Variants in ENOX1 observed in about 807,000 individuals in gnomAD.
ENOX1 encodes the protein candidate growth-related and time keeping constitutive hydroquinone (NADH) oxidase.
ENOX1 carries 42 observed loss-of-function variants against 82.5 expected under a neutral mutation model. The ratio of observed to expected loss-of-function variants is 0.51; its 90% CI spans 0.40 to 0.66. The LOEUF (loss-of-function observed/expected upper bound fraction) is 0.66. Among genes scored for constraint, ENOX1 ranks in the 30% least tolerant of loss-of-function variants. The probability of loss-of-function intolerance (pLI) is 0.00; values close to 1 mark genes in which losing one functional copy is unlikely to be tolerated. For missense variants in ENOX1, 608 were observed against 811.6 expected, an observed-to-expected ratio of 0.75 and a Z score of 3.05; for synonymous variants, 271 against 282.2, an observed-to-expected ratio of 0.96 and a Z score of 0.40.
chr13:43,570,318 C>T (rs891275850), intron 2 of ENOX1, among the ~76,000 whole-genome samples: 4 of 152,022 alleles, frequency 2.6e-5, no homozygotes, highest in Non-Finnish European at 5.9e-5. Flanking sequence ...GAGTCAGCAA[C>T]ACATAGGCAG....
intron 3 of ENOX1, among the ~76,000 whole-genome samples, chr13:43,444,146 T>C (rs773713676): frequency 9.2e-5 from 14 of 152,170 alleles, no homozygotes; most frequent in Non-Finnish European, 1.5e-4. Context: ...AAAAGTGTTT[T>C]AAGCAGACTG....
intron 1 of ENOX1, among the ~76,000 whole-genome samples, chr13:43,727,334 C>G (rs2089047302): frequency 6.6e-6 from 1 of 152,216 alleles, no homozygotes. Flanking sequence ...AGCTGAAGTT[C>G]TGCTTTGCAA....
Position 43,213,487 on chromosome 13 carries a change from G to C in ENOX1, c.*503C>G, listed in dbSNP as rs1221693296. The C allele has an allele frequency of 7.3e-6, 1 of 136,940 alleles. No homozygotes were observed. The highest frequency in any genetic ancestry group is 1.6e-5 in the Non-Finnish European group (1 of 61,400). The allele number at this position is 136,940 out of a possible 1,614,324, so 8.5% of individuals were successfully genotyped here. ...AGACACATATTCAAGTTTTCTTTTGGTATGCTTTTCCCTCACTGTAAAACT... is the reference window on the plus strand; with the variant it reads ...AGACACATATTCAAGTTTTCTTTTGCTATGCTTTTCCCTCACTGTAAAACT... On this transcript the variant is annotated 3_prime_UTR_variant, in exon 17 of 17. Coordinates refer to ENST00000690772, the MANE Select transcript of ENOX1 (RefSeq NM_001347969.2).
intron 2 of ENOX1, among the ~76,000 whole-genome samples, chr13:43,598,112 G>A (rs538265749): frequency 6.6e-6 from 1 of 151,880 alleles, no homozygotes; most frequent in African/African-American, 2.4e-5. Flanking sequence ...AGAGCTGACT[G>A]TGCTCATCTC....
At chr13:43,578,678 C>T (rs939476444) in intron 2 of ENOX1, among the ~76,000 whole-genome samples, 24 of 152,096 alleles carry the variant, frequency 1.6e-4, no homozygotes, top group African/African-American at 5.8e-4. Context: ...TTACATTTGC[C>T]TCCTCTCTCT....
chr13:43,712,477 G>A (rs545751687), intron 1 of ENOX1, among the ~76,000 whole-genome samples: 2,547 of 152,036 alleles, frequency 0.017, 88 homozygotes, highest in African/African-American at 0.058. Flanking sequence ...GCTTGATGGA[G>A]ATGGCATTGA....
At chr13:43,771,933 A>ATTTTTTTTTTTTTTTTT (rs34718451) in intron 1 of ENOX1, among the ~76,000 whole-genome samples, 7 of 100,970 alleles carry the variant, frequency 6.9e-5, no homozygotes, top group Middle Eastern at 6.8e-3. Context: ...CGCCCGGCTA[A>ATTTTTTTTTTTTTTTTT]TTTTTTTTTT....
intron 15 of ENOX1, 121 bp downstream of exon 15, chr13:43,236,515 T>C: frequency 1.7e-6 from 1 of 592,978 alleles, no homozygotes; most frequent in South Asian, 2.5e-5. Flanking sequence ...CTTGATGAAA[T>C]TAATCTCACC....
intron 2 of ENOX1, among the ~76,000 whole-genome samples, chr13:43,518,093 T>A (rs2077623303): frequency 6.6e-6 from 1 of 152,148 alleles, no homozygotes; most frequent in African/African-American, 2.4e-5. Flanking sequence ...GAAACATAGA[T>A]GCTTGTTCAA....
intron 9 of ENOX1, among the ~76,000 whole-genome samples, chr13:43,329,550 G>C (rs1262318288): frequency 1.3e-5 from 2 of 152,168 alleles, no homozygotes; most frequent in African/African-American, 4.8e-5. Flanking sequence ...CTGAAATATG[G>C]ATTAGGGGTT....
At chr13:43,722,638 G>T (rs549245528) in intron 1 of ENOX1, among the ~76,000 whole-genome samples, 1 of 152,116 alleles carries the variant, frequency 6.6e-6, no homozygotes, top group African/African-American at 2.4e-5. Flanking sequence ...CATGATGACA[G>T]GGACTTTACA....
At chr13:43,509,017 T>C (rs1358404154) in intron 2 of ENOX1, among the ~76,000 whole-genome samples, 2 of 152,004 alleles carry the variant, frequency 1.3e-5, no homozygotes, top group Non-Finnish European at 2.9e-5. Context: ...TTCATCATAA[T>C]GCAGCTCTCA....
chr13:43,324,803 G>A (rs1035411170), intron 10 of ENOX1, among the ~76,000 whole-genome samples: 1 of 152,074 alleles, frequency 6.6e-6, no homozygotes, highest in Non-Finnish European at 1.5e-5. Flanking sequence ...CCACACCCAC[G>A]CAGAGGAGGC....
intron 2 of ENOX1, among the ~76,000 whole-genome samples, chr13:43,616,091 T>TATCTATCTAGATAG (rs2082399869): frequency 2.3e-5 from 1 of 43,992 alleles, no homozygotes; most frequent in African/African-American, 7.3e-5. Flanking sequence ...ATTATATATA[T>TATCTATCTAGATAG]ATATCTATAT....
intron 1 of ENOX1, among the ~76,000 whole-genome samples, chr13:43,729,833 G>A (rs1302844909): frequency 6.6e-6 from 1 of 152,188 alleles, no homozygotes; most frequent in East Asian, 1.9e-4. Context: ...GTGTGTAAAC[G>A]GCCTTCTCCC....
intron 5 of ENOX1, among the ~76,000 whole-genome samples, chr13:43,378,835 A>C (rs1455526192): frequency 1.3e-5 from 2 of 152,194 alleles, no homozygotes; most frequent in Admixed American, 1.3e-4. Context: ...TGAATATATT[A>C]TTTTACATGT....
intron 14 of ENOX1, among the ~76,000 whole-genome samples, chr13:43,246,966 A>G (rs1400983184): frequency 6.6e-6 from 1 of 152,240 alleles, no homozygotes; most frequent in East Asian, 1.9e-4. Flanking sequence ...CATTTAAACA[A>G]GTCAGGTCTA....
chr13:43,328,381 T>TG (rs1009082682), intron 9 of ENOX1, among the ~76,000 whole-genome samples: 13 of 152,266 alleles, frequency 8.5e-5, no homozygotes, highest in South Asian at 2.1e-4. Flanking sequence ...TAAAGAGTAA[T>TG]GGGCTTCGTT....
At chr13:43,534,649 C>T (rs1018750995) in intron 2 of ENOX1, among the ~76,000 whole-genome samples, 12 of 152,106 alleles carry the variant, frequency 7.9e-5, no homozygotes, top group Non-Finnish European at 1.3e-4. Flanking sequence ...AATGGGTGCT[C>T]CTAAAGCGCA....
Sources: allele counts gnomAD v4.1 joint callset (sites outside exome capture counted in the v4.1 genomes callset), GRCh38; gene constraint gnomAD v4.1.1; transcripts MANE v1.5; gene names NCBI Gene and HGNC (gene_info 2026-07-23, HGNC 2026-07-21).